Variants in ST7 observed in about 807,000 individuals in gnomAD.
ST7 encodes suppression of tumorigenicity 7.
In ST7, 28 loss-of-function variants were observed where a neutral mutation model predicts 78.7. That is an observed-to-expected ratio of 0.36 (90% CI 0.26 to 0.49). The LOEUF (loss-of-function observed/expected upper bound fraction) is 0.49. Among genes scored for constraint, ST7 ranks in the 20% least tolerant of loss-of-function variants. The pLI is 0.99. For synonymous variants in ST7, 247 were observed against 249.6 expected, an observed-to-expected ratio of 0.99 and a Z score of 0.10; for missense variants, 418 against 696.0, an observed-to-expected ratio of 0.60 and a Z score of 4.49.
intron 1 of ST7, among the ~76,000 whole-genome samples, chr7:117,075,719 G>T (rs1799293888): frequency 2.0e-5 from 3 of 152,306 alleles, no homozygotes; most frequent in South Asian, 2.1e-4. Flanking sequence ...TTCGTAAATT[G>T]CAGGGGATTC....
At chr7:117,157,095 T>C (rs1806757118) in intron 9 of ST7, among the ~76,000 whole-genome samples, 1 of 152,128 alleles carries the variant, frequency 6.6e-6, no homozygotes, top group East Asian at 1.9e-4. Flanking sequence ...ACCAAAATCT[T>C]CAGTGTATGC....
At chr7:117,050,210 G>A (rs1013695464) in intron 1 of ST7, among the ~76,000 whole-genome samples, 9 of 144,876 alleles carry the variant, frequency 6.2e-5, no homozygotes, top group Non-Finnish European at 1.4e-4. Flanking sequence ...GTGAGACTCC[G>A]TCTCAAAAAA....
At chr7:117,179,807 T>G (rs1808614312) in intron 10 of ST7, among the ~76,000 whole-genome samples, 1 of 150,700 alleles carries the variant, frequency 6.6e-6, no homozygotes, top group Non-Finnish European at 1.5e-5. Context: ...GAGCCCAGAG[T>G]GAAGGGGGTG....
chr7:117,001,249 A>G (rs992934389), intron 1 of ST7, among the ~76,000 whole-genome samples: 1 of 152,248 alleles, frequency 6.6e-6, no homozygotes, highest in African/African-American at 2.4e-5. Flanking sequence ...CCACTTTAAA[A>G]GACAAATTAA....
intron 1 of ST7, among the ~76,000 whole-genome samples, chr7:117,091,251 C>T (rs190561943): frequency 2.2e-4 from 34 of 152,188 alleles, no homozygotes; most frequent in African/African-American, 7.9e-4. Flanking sequence ...CCCAAGGAGA[C>T]CAGGGCCAAG....
chr7:116,986,582 C>T (rs977485654), intron 1 of ST7, among the ~76,000 whole-genome samples: 18 of 151,894 alleles, frequency 1.2e-4, no homozygotes, highest in African/African-American at 3.9e-4. Flanking sequence ...TGATAAATAC[C>T]ATATTCTTTG....
At chr7:117,214,167 C>T (rs1407983898) in intron 13 of ST7, among the ~76,000 whole-genome samples, 1 of 152,128 alleles carries the variant, frequency 6.6e-6, no homozygotes, top group Admixed American at 6.5e-5. Flanking sequence ...CAACTGTGAA[C>T]TTTAATTTTC....
chr7:117,204,572 G>T (rs867698733), intron 12 of ST7, among the ~76,000 whole-genome samples: 1 of 151,954 alleles, frequency 6.6e-6, no homozygotes, highest in Non-Finnish European at 1.5e-5. Context: ...TACTTGCAGT[G>T]TTTTTTTTGT....
intron 2 of ST7, among the ~76,000 whole-genome samples, chr7:117,107,910 C>T (rs1217702106): frequency 2.6e-5 from 4 of 151,818 alleles, no homozygotes; most frequent in African/African-American, 4.8e-5. Flanking sequence ...CCACTGCACC[C>T]GGCCCTTAGC....
chr7:116,973,630 T>G (rs977107709), intron 1 of ST7, among the ~76,000 whole-genome samples: 1 of 152,222 alleles, frequency 6.6e-6, no homozygotes, highest in African/African-American at 2.4e-5. Context: ...CATGTTTTCT[T>G]TATTGGTAAC....
At chr7:117,050,908 G>A (rs949387499) in intron 1 of ST7, among the ~76,000 whole-genome samples, 3 of 145,544 alleles carry the variant, frequency 2.1e-5, no homozygotes, top group East Asian at 4.0e-4. Context: ...CCAGCCTGGC[G>A]ACAGAGCGAG....
chr7:117,027,503 A>AAAGTAAAGTAAAGT (rs1436869462), intron 1 of ST7, among the ~76,000 whole-genome samples: 1 of 149,576 alleles, frequency 6.7e-6, no homozygotes, highest in Non-Finnish European at 1.5e-5. Flanking sequence ...TAAAGTAAGT[A>AAAGTAAAGTAAAGT]AAGTAAAAAG....
At chr7:117,154,976 G>A (rs1409729795) in intron 9 of ST7, among the ~76,000 whole-genome samples, 2 of 152,100 alleles carry the variant, frequency 1.3e-5, no homozygotes, top group Non-Finnish European at 2.9e-5. Context: ...TCTATAGAAT[G>A]CCTCACACCA....
chr7:117,130,780 G>T (rs1008521053), intron 5 of ST7, 174 bp downstream of exon 5: 3 of 472,840 alleles, frequency 6.3e-6, no homozygotes, highest in Non-Finnish European at 1.1e-5. Flanking sequence ...TCACAATGAA[G>T]TATTTATGTT....
chr7:117,167,215 T>TCCC (rs1425123405), intron 9 of ST7, among the ~76,000 whole-genome samples: 1 of 101,062 alleles, frequency 9.9e-6, no homozygotes, highest in Non-Finnish European at 2.1e-5. Context: ...CTGCTATCCC[T>TCCC]CCCCCCTCCC....
chr7:117,101,664 C>T (rs554596723), intron 2 of ST7, among the ~76,000 whole-genome samples: 3 of 152,288 alleles, frequency 2.0e-5, no homozygotes, highest in South Asian at 2.1e-4. Context: ...ACTCTCTAAA[C>T]AGTTCACGCC....
At chr7:117,161,139 T>C (rs767219644) in intron 9 of ST7, among the ~76,000 whole-genome samples, 1 of 151,678 alleles carries the variant, frequency 6.6e-6, no homozygotes. Context: ...CATAAATAGC[T>C]ACAGAGCCAA....
intron 1 of ST7, among the ~76,000 whole-genome samples, chr7:117,053,756 T>G (rs11773591): frequency 0.13 from 19,517 of 152,144 alleles, 1,609 homozygotes; most frequent in South Asian, 0.23. Context: ...AGTAATTATA[T>G]GGGAGGGAAG....
chr7:117,111,314 A>C (rs950889411), intron 2 of ST7, among the ~76,000 whole-genome samples: 1 of 152,168 alleles, frequency 6.6e-6, no homozygotes, highest in Non-Finnish European at 1.5e-5. Context: ...ATGTCCTAGG[A>C]GCCTGCCATG....
Sources: gnomAD v4.1 joint callset for allele counts (sites outside exome capture counted in the v4.1 genomes callset) on GRCh38, gnomAD v4.1.1 for gene constraint, MANE v1.5 for transcripts, NCBI Gene and HGNC (gene_info 2026-07-23, HGNC 2026-07-21) for gene names.